The following NBEA variants were observed in gnomAD, a reference collection of about 807,000 sequenced individuals.
NBEA encodes neurobeachin, also known as lysosomal-trafficking regulator 2.
A neutral mutation model predicts 343.4 loss-of-function variants in NBEA; 44 were observed. The ratio of observed to expected loss-of-function variants is 0.13; its 90% CI spans 0.10 to 0.16. The LOEUF is 0.16. Ranked by LOEUF, NBEA falls within the 10% of genes least tolerant of loss-of-function variation. The pLI, the probability that NBEA is intolerant of heterozygous loss-of-function variation, is 1.00. For missense variants in NBEA, 2,555 were observed against 3,631.3 expected (o/e 0.70, Z 7.62); for synonymous variants, 1,175 against 1,238.7 (o/e 0.95, Z 1.08).
chr13:35,394,857 T>C (rs2042669153), intron 38 of NBEA, among the ~76,000 whole-genome samples: 1 of 152,166 alleles, frequency 6.6e-6, no homozygotes. Context: ...TCATTGGTTT[T>C]AGATCTTTCT....
chr13:35,127,974 T>C lies in NBEA; in HGVS notation c.2336+4400T>C, dbSNP rs192555215. ...AAAATATCACAATTGATCACAGTAA[T>C]GAAACCCAGTTCTGTATGCAAGAAA... On this transcript the variant is annotated intron_variant, in intron 17 of 58. Transcript: ENST00000379939. 6.5e-3 allele frequency among the ~76,000 whole-genome samples: 986 copies of C among 151,432 alleles called. 6 individuals carry two copies. The highest frequency in any genetic ancestry group is 8.8e-3 in the Non-Finnish European group (596 of 67,858).
intron 1 of NBEA, among the ~76,000 whole-genome samples, chr13:35,000,592 T>C (rs1037799067): frequency 3.0e-5 from 1 of 33,264 alleles, no homozygotes; most frequent in Non-Finnish European, 6.3e-5. Flanking sequence ...ATAATATATA[T>C]AACACACACA....
intron 41 of NBEA, among the ~76,000 whole-genome samples, chr13:35,484,798 TTTTA>T (rs1365670174): frequency 6.6e-6 from 1 of 152,102 alleles, no homozygotes; most frequent in Non-Finnish European, 1.5e-5. Flanking sequence ...CAAAAATTAG[TTTTA>T]TTTGTGGAAA....
intron 2 of NBEA, among the ~76,000 whole-genome samples, chr13:35,044,545 A>G (rs1454058226): frequency 3.9e-5 from 6 of 151,940 alleles, no homozygotes; most frequent in Admixed American, 3.3e-4. Context: ...GCAATTTTAA[A>G]TCTTTGTACA....
At chr13:35,347,584 A>G (rs996970863) in intron 36 of NBEA, among the ~76,000 whole-genome samples, 9 of 152,064 alleles carry the variant, frequency 5.9e-5, no homozygotes, top group Non-Finnish European at 1.2e-4. Context: ...ATTGAAGAAG[A>G]CACAAAAAGG....
At chr13:34,960,079 A>T (rs2059612748) in intron 1 of NBEA, among the ~76,000 whole-genome samples, 1 of 152,126 alleles carries the variant, frequency 6.6e-6, no homozygotes, top group African/African-American at 2.4e-5. Flanking sequence ...ATAAGAGATG[A>T]CAGCTCCATG....
rs868169550 is a variant in NBEA, at chr13:35,048,629, C to T, written c.790C>T (p.Arg264Cys). The change falls in exon 5 of 59, where the codon CGT (arginine) becomes TGT (cysteine). Residue 264 changes from arginine (R) to cysteine (C), a missense_variant. This residue lies in a region of NBEA where 185 missense variants were observed against 290.6 expected (regional missense o/e 0.64). Coordinates refer to ENST00000379939, the MANE Select transcript of NBEA (RefSeq NM_001385012.1). ...TGGCTTCACCTTAAACACTTGGTTT[C>T]GTATGGATCCATTAAATAATATTAA... The part of the protein sequence containing the change: ...QNGFTLNTWF[R>C]MDPLNNINVD... 6.6e-7 allele frequency: 1 copy of T among 1,509,216 alleles called. No homozygotes were observed. Among genetic ancestry groups the T allele is most frequent in the Admixed American group, 1.7e-5 (1 of 58,532 alleles). The allele number at this position is 1,509,216 out of a possible 1,614,324, so 93.5% of individuals were successfully genotyped here.
intron 1 of NBEA, among the ~76,000 whole-genome samples, chr13:34,975,198 T>C (rs1475992964): frequency 6.6e-6 from 1 of 152,196 alleles, no homozygotes; most frequent in Non-Finnish European, 1.5e-5. Flanking sequence ...AGCATCACAT[T>C]ATCCAACTTC....
intron 11 of NBEA, among the ~76,000 whole-genome samples, chr13:35,107,726 T>C (rs1427596279): frequency 6.6e-6 from 1 of 152,000 alleles, no homozygotes; most frequent in African/African-American, 2.4e-5. Flanking sequence ...TAATAGTGAG[T>C]AATCAACATG....
chr13:35,665,107 C>T lies in NBEA; in HGVS notation c.8385C>T (p.Ala2795=), dbSNP rs753633624. The change falls in exon 56 of 59, where the codon GCC becomes GCT. Residue 2795 remains alanine (A), a synonymous_variant. Coordinates refer to ENST00000379939, the MANE Select transcript of NBEA (RefSeq NM_001385012.1). ...PNSSDYPAPR[A]VLTGHDHEVV... ...CAGGTGACTATCCGGCACCAAGAGC[C>T]GTCCTCACAGGCCATGACCATGAAG... The T allele has an allele frequency of 6.3e-6, 10 of 1,577,478 alleles. No individual in the cohort carries two copies. The South Asian group carries it at 9.3e-5, about 15-fold the overall frequency.
At chr13:35,106,529 T>C (rs1231155406) in intron 11 of NBEA, among the ~76,000 whole-genome samples, 3 of 151,946 alleles carry the variant, frequency 2.0e-5, no homozygotes, top group African/African-American at 2.4e-5. Flanking sequence ...ATTTCTTTTT[T>C]ACACTAACAA....
intron 50 of NBEA, 92 bp from the exon 51 acceptor site, chr13:35,646,167 C>A: frequency 1.0e-6 from 1 of 995,886 alleles, no homozygotes; most frequent in Non-Finnish European, 1.5e-6. Context: ...TTTTTCATGG[C>A]TGACTTGGGA....
intron 1 of NBEA, among the ~76,000 whole-genome samples, chr13:34,969,508 G>C (rs1341519775): frequency 6.6e-6 from 1 of 151,930 alleles, no homozygotes; most frequent in East Asian, 1.9e-4. Context: ...TCATCACCTA[G>C]GTATTAGCCT....
intron 53 of NBEA, among the ~76,000 whole-genome samples, chr13:35,652,921 C>T (rs1010741906): frequency 1.3e-5 from 2 of 151,510 alleles, no homozygotes; most frequent in African/African-American, 2.4e-5. Context: ...GTCTCGATCT[C>T]CTGACCTCGT....
chr13:35,529,157 T>C (rs778598309), intron 41 of NBEA, among the ~76,000 whole-genome samples: 1 of 152,132 alleles, frequency 6.6e-6, no homozygotes, highest in Non-Finnish European at 1.5e-5. Flanking sequence ...ATTTTATAGA[T>C]GAGGACACAG....
intron 51 of NBEA, among the ~76,000 whole-genome samples, chr13:35,649,161 T>C (rs1244002544): frequency 6.6e-6 from 1 of 152,212 alleles, no homozygotes; most frequent in Non-Finnish European, 1.5e-5. Flanking sequence ...AGCGCTCGGC[T>C]GCTTTATGGG....
At chr13:35,633,393 C>T (rs2083554037) in intron 49 of NBEA, among the ~76,000 whole-genome samples, 1 of 150,712 alleles carries the variant, frequency 6.6e-6, no homozygotes, top group African/African-American at 2.4e-5. Flanking sequence ...TGAGCCACCG[C>T]GCCCGGCCTA....
At chr13:35,298,076 C>T (rs1282152372) in intron 35 of NBEA, among the ~76,000 whole-genome samples, 10 of 151,162 alleles carry the variant, frequency 6.6e-5, no homozygotes, top group South Asian at 2.1e-4. Flanking sequence ...TCAGTTAACA[C>T]GTTTTCTATG....
intron 34 of NBEA, among the ~76,000 whole-genome samples, chr13:35,259,200 T>C (rs1593973779): frequency 6.6e-6 from 1 of 152,204 alleles, no homozygotes; most frequent in South Asian, 2.1e-4. Flanking sequence ...AACCTTTGTT[T>C]TGAAATAAAT....
Sources: allele counts gnomAD v4.1 joint callset (sites outside exome capture counted in the v4.1 genomes callset), GRCh38; gene constraint gnomAD v4.1.1; regional missense constraint gnomAD v4.1.1; transcripts MANE v1.5; gene names NCBI Gene and HGNC (gene_info 2026-07-23, HGNC 2026-07-21).